Variants in EXPH5 observed in about 807,000 individuals in gnomAD.
EXPH5 encodes the protein exophilin 5, also known as exophilin-5.
In EXPH5, 42 loss-of-function variants were observed where a neutral mutation model predicts 41.1. The ratio of observed to expected loss-of-function variants is 1.02; its 90% CI spans 0.80 to 1.32. EXPH5 has a LOEUF of 1.32. EXPH5 is among the 40% of genes most tolerant of loss of function. EXPH5 has a pLI of 0.00. For missense variants in EXPH5, 2,298 were observed against 2,314.5 expected (o/e 0.99, Z 0.15); for synonymous variants, 798 against 833.5 (o/e 0.96, Z 0.73).
chr11:108,563,367 G>A (rs1454047559), intron 1 of EXPH5, among the ~76,000 whole-genome samples: 1 of 152,172 alleles, frequency 6.6e-6, no homozygotes, highest in Non-Finnish European at 1.5e-5. Flanking sequence ...GAAGATGTGG[G>A]CCCCAGGAGA....
chr11:108,519,498 G>A lies in EXPH5; in HGVS notation c.493-1125C>T, dbSNP rs150613525. 4.8e-3 allele frequency among the ~76,000 whole-genome samples: 737 copies of A among 152,180 alleles called. 3 individuals carry two copies. Among genetic ancestry groups the A allele is most frequent in the African/African-American group, 0.017 (699 of 41,522 alleles). On this transcript the variant is annotated intron_variant, in intron 4 of 5. Transcript: ENST00000265843. The stretch of plus-strand genomic sequence containing the variant: ...GCAGTGGCGCACACCTGTAATCCCC[G>A]CACTTTGAGAGGCTGAGGTAGGCAG...
intron 1 of EXPH5, among the ~76,000 whole-genome samples, chr11:108,584,446 C>T (rs776216580): frequency 4.2e-4 from 63 of 151,786 alleles, no homozygotes; most frequent in Admixed American, 2.1e-3. Flanking sequence ...CCACCGCACT[C>T]CAGCTTAGGC....
chr11:108,531,938 G>A (rs2093840682), intron 3 of EXPH5, among the ~76,000 whole-genome samples: 1 of 152,024 alleles, frequency 6.6e-6, no homozygotes, highest in Non-Finnish European at 1.5e-5. Context: ...ATCATCTTTT[G>A]GCTTTTTTGC....
chr11:108,517,529 G>A lies in EXPH5; in HGVS notation c.631+706C>T, dbSNP rs897728448. On this transcript the variant is annotated intron_variant, in intron 5 of 5. Coordinates refer to ENST00000265843, the MANE Select transcript of EXPH5 (RefSeq NM_015065.3). ...CAGAGTTAACTTTTCAAATGGCCGG[G>A]CTTATATAGAATAACCTTTGTAAAA... 2.6e-5 allele frequency among the ~76,000 whole-genome samples: 4 copies of A among 152,302 alleles called. No individual in the cohort carries two copies. In the East Asian group the frequency reaches 5.8e-4, roughly 22 times the overall value.
Position 108,507,527 on chromosome 11 carries a change from A to G in EXPH5, c.*2010T>C, listed in dbSNP as rs905974157. ...CCAGGAATCCATGCTGTCTGTAGTT[A>G]AAGCAGATTATCTTCACTGCCATCT... On this transcript the variant is annotated 3_prime_UTR_variant, in exon 6 of 6. Transcript: ENST00000265843. 7.9e-5 allele frequency: 12 copies of G among 152,364 alleles called. No individual in the cohort carries two copies. The highest frequency in any genetic ancestry group is 2.9e-4 in the African/African-American group (12 of 41,588). The allele number at this position is 152,364 out of a possible 1,614,324, so 9.4% of individuals were successfully genotyped here.
intron 3 of EXPH5, 103 bp downstream of exon 3, chr11:108,538,921 G>T: frequency 9.4e-7 from 1 of 1,060,882 alleles, no homozygotes; most frequent in Non-Finnish European, 1.3e-6. Flanking sequence ...CAATTGAATT[G>T]AAATTCTAAG....
intron 1 of EXPH5, among the ~76,000 whole-genome samples, chr11:108,542,820 G>A (rs2093919720): frequency 6.6e-6 from 1 of 152,182 alleles, no homozygotes; most frequent in Admixed American, 6.5e-5. Context: ...CCGAGTTCAA[G>A]TGATTCTCCT....
At chr11:108,603,972 G>A in the EXPH5 span, among the ~76,000 whole-genome samples, 13 of 152,190 alleles carry the variant, frequency 8.5e-5, no homozygotes, top group Admixed American at 2.0e-4. Flanking sequence ...AGTATAACAG[G>A]CTGTTATTCA....
chr11:108,514,150 G>A lies in EXPH5; in HGVS notation c.1357C>T (p.Gln453Ter), dbSNP rs200869874. The A allele has an allele frequency of 5.0e-6, 8 of 1,614,010 alleles. No individual in the cohort carries two copies. Among genetic ancestry groups the A allele is most frequent in the East Asian group, 2.2e-5 (1 of 44,890 alleles). ...ENSENMPFYH[Q>*]SNTFTRSFFS... ...AAAGATCTGGTAAATGTGTTGCTTT[G>A]ATGGTAGAATGGCATGTTCTCTGAG... The change falls in exon 6 of 6, where the codon CAA (glutamine) becomes TAA (stop). Residue 453 changes from glutamine to a stop codon, truncating the protein, a stop_gained. Transcript: ENST00000265843. LOFTEE classifies it low-confidence loss of function (END_TRUNC).
intron 1 of EXPH5, among the ~76,000 whole-genome samples, chr11:108,591,494 G>T (rs1380900451): frequency 1.3e-5 from 2 of 152,192 alleles, no homozygotes; most frequent in Non-Finnish European, 2.9e-5. Context: ...TGGGTATTTG[G>T]TCCACACATC....
At chr11:108,555,431 C>A (rs2093985486) in intron 1 of EXPH5, among the ~76,000 whole-genome samples, 1 of 152,148 alleles carries the variant, frequency 6.6e-6, no homozygotes, top group African/African-American at 2.4e-5. Context: ...ACTGTTCTAG[C>A]AGCTTGGAAT....
upstream of EXPH5, among the ~76,000 whole-genome samples, chr11:108,595,332 T>G (rs2094137276): frequency 6.6e-6 from 1 of 152,130 alleles, no homozygotes; most frequent in East Asian, 1.9e-4. Context: ...TAGTGCCAAC[T>G]GAGTGGATGG....
rs140394628 is a variant in EXPH5, at chr11:108,590,147, A to T, written c.119+3271T>A. On this transcript the variant is annotated intron_variant, in intron 1 of 5. Transcript: ENST00000265843. ...GATATTGCCATAATGCTCACCAAAA[A>T]GCTTGTAATCAACTTACAACGTCAC... Among the ~76,000 whole-genome samples, 709 of 152,346 alleles carry T rather than the reference A, an allele frequency of 4.7e-3. 2 individuals are homozygous for T. Among genetic ancestry groups the T allele is most frequent in the Non-Finnish European group, 5.0e-3 (337 of 68,030 alleles).
chr11:108,514,856 G>T lies in EXPH5; in HGVS notation c.651C>A (p.Ser217Arg). The change falls in exon 6 of 6, where the codon AGC becomes AGA. Residue 217 changes from serine (S) to arginine (R), a missense_variant. By Grantham distance (110) the Ser-to-Arg change is moderately radical. Coordinates refer to ENST00000265843, the MANE Select transcript of EXPH5 (RefSeq NM_015065.3). ...TTGCAGACTGTTCCTGAGCCAATTTGCTATCCAAGTCATCTAAAACTGAAA... is the reference window on the plus strand; with the variant it reads ...TTGCAGACTGTTCCTGAGCCAATTTTCTATCCAAGTCATCTAAAACTGAAA... The part of the protein sequence containing the change: ...EFFQVLDDLD[S>R]KLAQEQSASS... The T allele has an allele frequency of 1.4e-6, 2 of 1,468,280 alleles. No individual in the cohort carries two copies. Among genetic ancestry groups the T allele is most frequent in the Non-Finnish European group, 1.8e-6 (2 of 1,112,028 alleles). The allele number at this position is 1,468,280 out of a possible 1,614,324, so 91.0% of individuals were successfully genotyped here. A position where few individuals can be genotyped will look rare whatever the true frequency, so the allele number is the denominator to read the frequency against.
chr11:108,563,000 C>T (rs2094019483), intron 1 of EXPH5, among the ~76,000 whole-genome samples: 1 of 152,140 alleles, frequency 6.6e-6, no homozygotes, highest in African/African-American at 2.4e-5. Context: ...GAAGACCAAT[C>T]AGGAGAACTT....
intron 4 of EXPH5, among the ~76,000 whole-genome samples, chr11:108,522,419 G>A (rs972065199): frequency 3.9e-5 from 6 of 152,052 alleles, no homozygotes; most frequent in African/African-American, 9.7e-5. Context: ...CTATGGAGTT[G>A]GTACTCTTAT....
chr11:108,518,888 T>C (rs1230119481), intron 4 of EXPH5, among the ~76,000 whole-genome samples: 1 of 152,172 alleles, frequency 6.6e-6, no homozygotes, highest in East Asian at 1.9e-4. Flanking sequence ...CTGGTCGTCC[T>C]AACTGCTACA....
intron 1 of EXPH5, among the ~76,000 whole-genome samples, chr11:108,575,308 G>T (rs1279280404): frequency 6.6e-6 from 1 of 152,212 alleles, no homozygotes; most frequent in East Asian, 1.9e-4. Context: ...GCCAGTGAAG[G>T]TGCAATTTGG....
intron 1 of EXPH5, among the ~76,000 whole-genome samples, chr11:108,592,311 T>C (rs555241654): frequency 6.6e-6 from 1 of 152,318 alleles, no homozygotes; most frequent in Admixed American, 6.5e-5. Flanking sequence ...TAGTGTATTC[T>C]AATTCTTTCT....
Sources: allele counts gnomAD v4.1 joint callset (sites outside exome capture counted in the v4.1 genomes callset), GRCh38; gene constraint gnomAD v4.1.1; transcripts MANE v1.5; gene names NCBI Gene and HGNC (gene_info 2026-07-23, HGNC 2026-07-21).